HS6ST3: variants seen among roughly 807,000 people sequenced by gnomAD.
HS6ST3 encodes the protein heparan sulfate 6-O-sulfotransferase 3.
In HS6ST3, 12 loss-of-function variants were observed where a neutral mutation model predicts 36.7. The observed-to-expected ratio is 0.33, with a 90% CI of 0.21 to 0.53. The LOEUF (loss-of-function observed/expected upper bound fraction) is 0.53. HS6ST3 is among the 20% of genes least tolerant of loss of function. The pLI is 0.95. For missense variants in HS6ST3, 584 were observed against 640.9 expected, an observed-to-expected ratio of 0.91 and a Z score of 0.96; for synonymous variants, 240 against 257.5, an observed-to-expected ratio of 0.93 and a Z score of 0.65.
intron 1 of HS6ST3, among the ~76,000 whole-genome samples, chr13:96,789,943 A>G (rs1030063607): frequency 6.6e-6 from 1 of 151,710 alleles, no homozygotes; most frequent in African/African-American, 2.4e-5. Context: ...TTAAATCTGT[A>G]AGTTTGTTTC....
intron 1 of HS6ST3, among the ~76,000 whole-genome samples, chr13:96,162,116 G>A (rs1366110908): frequency 1.3e-5 from 2 of 152,150 alleles, no homozygotes; most frequent in South Asian, 2.1e-4. Flanking sequence ...CAGCTTAATA[G>A]TACACCAGTG....
intron 1 of HS6ST3, among the ~76,000 whole-genome samples, chr13:96,286,572 G>C (rs1221599755): frequency 1.3e-5 from 2 of 152,188 alleles, no homozygotes; most frequent in South Asian, 2.1e-4. Flanking sequence ...AAGATATGCA[G>C]TAGGATATTC....
At chr13:96,350,945 A>C (rs1400775440) in intron 1 of HS6ST3, among the ~76,000 whole-genome samples, 1 of 152,182 alleles carries the variant, frequency 6.6e-6, no homozygotes, top group Non-Finnish European at 1.5e-5. Flanking sequence ...CAGAAATTGC[A>C]TTTCTTTTGA....
intron 1 of HS6ST3, among the ~76,000 whole-genome samples, chr13:96,483,411 G>A (rs2055899230): frequency 6.6e-6 from 1 of 152,156 alleles, no homozygotes; most frequent in Non-Finnish European, 1.5e-5. Flanking sequence ...AGAGGGCAGT[G>A]GTTTGGGATG....
At chr13:96,655,869 G>A (rs2056622849) in intron 1 of HS6ST3, among the ~76,000 whole-genome samples, 2 of 152,054 alleles carry the variant, frequency 1.3e-5, no homozygotes, top group Non-Finnish European at 2.9e-5. Flanking sequence ...AGGCTTCTCA[G>A]GGTTCCACTT....
intron 1 of HS6ST3, among the ~76,000 whole-genome samples, chr13:96,391,497 G>T (rs1424223287): frequency 6.6e-6 from 1 of 152,134 alleles, no homozygotes; most frequent in Non-Finnish European, 1.5e-5. Flanking sequence ...TCTTGCTTCA[G>T]CTCTCATACT....
At chr13:96,186,749 A>G (rs576804503) in intron 1 of HS6ST3, among the ~76,000 whole-genome samples, 3 of 152,340 alleles carry the variant, frequency 2.0e-5, no homozygotes, top group Non-Finnish European at 4.4e-5. Flanking sequence ...TCCGTTTCTA[A>G]TCAGACTCTC....
At chr13:96,694,297 G>A (rs191703807) in intron 1 of HS6ST3, among the ~76,000 whole-genome samples, 34 of 152,238 alleles carry the variant, frequency 2.2e-4, no homozygotes, top group Non-Finnish European at 3.1e-4. Flanking sequence ...AGTTTGCTAA[G>A]GGTAATGGCC....
chr13:96,223,002 A>G (rs1447694377), intron 1 of HS6ST3, among the ~76,000 whole-genome samples: 1 of 152,138 alleles, frequency 6.6e-6, no homozygotes, highest in Non-Finnish European at 1.5e-5. Context: ...AGAATTTATG[A>G]TGTGCATTTT....
intron 1 of HS6ST3, among the ~76,000 whole-genome samples, chr13:96,621,678 C>T (rs1055451532): frequency 2.0e-5 from 3 of 152,128 alleles, no homozygotes; most frequent in African/African-American, 7.2e-5. Flanking sequence ...ATTTTTATAA[C>T]TTTATTGTCC....
chr13:96,567,721 G>A (rs868267990), intron 1 of HS6ST3, among the ~76,000 whole-genome samples: 16 of 152,082 alleles, frequency 1.1e-4, no homozygotes, highest in Admixed American at 5.2e-4. Context: ...GACATGTTTC[G>A]TGAATACACA....
At chr13:96,136,647 T>A (rs1594690032) in intron 1 of HS6ST3, among the ~76,000 whole-genome samples, 2 of 149,452 alleles carry the variant, frequency 1.3e-5, no homozygotes, top group South Asian at 2.1e-4. Flanking sequence ...AACCATATCA[T>A]GTATATTTAA....
intron 1 of HS6ST3, among the ~76,000 whole-genome samples, chr13:96,682,979 A>G (rs1344508687): frequency 6.6e-6 from 1 of 152,116 alleles, no homozygotes; most frequent in African/African-American, 2.4e-5. Flanking sequence ...TTCTTTTTCT[A>G]TGCAACAACT....
At chr13:96,725,386 A>G (rs1875977166) in intron 1 of HS6ST3, among the ~76,000 whole-genome samples, 1 of 152,152 alleles carries the variant, frequency 6.6e-6, no homozygotes, top group Non-Finnish European at 1.5e-5. Flanking sequence ...AGTGAAGTTA[A>G]TCATATTTTT....
intron 1 of HS6ST3, among the ~76,000 whole-genome samples, chr13:96,697,771 AGTTAT>A (rs1184773782): frequency 2.6e-5 from 4 of 152,188 alleles, no homozygotes; most frequent in African/African-American, 7.2e-5. Context: ...GCCAAAGTTA[AGTTAT>A]AAGTTAAACC....
intron 1 of HS6ST3, among the ~76,000 whole-genome samples, chr13:96,481,293 T>C (rs1160161742): frequency 6.6e-6 from 1 of 152,134 alleles, no homozygotes; most frequent in Non-Finnish European, 1.5e-5. Flanking sequence ...AAAATGTGCT[T>C]GTTAATTTAA....
At chr13:96,453,653 T>C (rs2055740765) in intron 1 of HS6ST3, among the ~76,000 whole-genome samples, 1 of 152,156 alleles carries the variant, frequency 6.6e-6, no homozygotes, top group Non-Finnish European at 1.5e-5. Context: ...GGTAGAATTA[T>C]TATTGAAGCT....
chr13:96,237,852 G>GT (rs1452848964), intron 1 of HS6ST3, among the ~76,000 whole-genome samples: 8 of 152,104 alleles, frequency 5.3e-5, no homozygotes, highest in African/African-American at 1.4e-4. Context: ...AGACCCTCTT[G>GT]TTTTTCTTCA....
intron 1 of HS6ST3, among the ~76,000 whole-genome samples, chr13:96,740,479 A>G (rs1214890722): frequency 1.3e-5 from 2 of 152,210 alleles, no homozygotes; most frequent in East Asian, 1.9e-4. Flanking sequence ...ATTATTTACA[A>G]ACAAATGTAA....
Sources: allele counts gnomAD v4.1 joint callset (sites outside exome capture counted in the v4.1 genomes callset), GRCh38; gene constraint gnomAD v4.1.1; transcripts MANE v1.5; gene names NCBI Gene and HGNC (gene_info 2026-07-23, HGNC 2026-07-21).